The following CARNMT1 variants were observed in gnomAD, a reference collection of about 807,000 sequenced individuals.
CARNMT1 encodes the protein protein-L-histidine N-pros-methyltransferase CARNMT1.
Under a neutral mutation model 49.6 loss-of-function variants are expected in CARNMT1, and 28 were observed. The observed-to-expected ratio is 0.56, with a 90% CI of 0.42 to 0.77. CARNMT1 has a LOEUF of 0.77. CARNMT1 is among the 30% of genes least tolerant of loss of function. The pLI is 0.00. For missense variants in CARNMT1, 421 were observed against 512.6 expected (o/e 0.82, Z 1.73); for synonymous variants, 178 against 175.0 (o/e 1.02, Z -0.13).
At chr9:75,016,597 G>C (rs1833861311) in intron 2 of CARNMT1, 166 bp from the exon 3 acceptor site, 1 of 606,374 alleles carries the variant, frequency 1.6e-6, no homozygotes, top group Non-Finnish European at 2.9e-6. Flanking sequence ...AATGAAAAGA[G>C]TTTGGTGGTC....
At chr9:74,993,588 A>G (rs1276764586) in intron 6 of CARNMT1, among the ~76,000 whole-genome samples, 4 of 152,194 alleles carry the variant, frequency 2.6e-5, no homozygotes, top group Non-Finnish European at 1.5e-5. Context: ...TAATCCAGGC[A>G]AGAAACCATG....
chr9:75,007,581 T>C (rs1833548223), intron 3 of CARNMT1, among the ~76,000 whole-genome samples: 3 of 151,530 alleles, frequency 2.0e-5, no homozygotes. Context: ...ATACAAAAAT[T>C]AGCCAGGTGT....
intron 2 of CARNMT1, 129 bp downstream of exon 2, chr9:75,017,124 A>G: frequency 1.5e-6 from 1 of 674,042 alleles, no homozygotes; most frequent in Non-Finnish European, 2.5e-6. Flanking sequence ...CTGAACATTT[A>G]AGTTAAAACT....
intron 1 of CARNMT1, among the ~76,000 whole-genome samples, chr9:75,021,815 G>A (rs1461451091): frequency 2.6e-5 from 4 of 152,060 alleles, no homozygotes; most frequent in East Asian, 3.8e-4. Context: ...GTGCATGCCT[G>A]TAGTCTCACC....
In CARNMT1 at chr9:75,028,063, C is replaced by A; in HGVS notation, c.179G>T (p.Arg60Met). The A allele has an allele frequency of 6.3e-7, 1 of 1,580,038 alleles. No homozygotes were observed. Among genetic ancestry groups the A allele is most frequent in the Non-Finnish European group, 8.6e-7 (1 of 1,165,546 alleles). ...CTTCCAGAAGTGCTCACGCTCAAGC[C>A]TCTCCTCCTCCTCCTCGGTGCTGCG... ...ATRSTEEEEE[R>M]LEREHFWKII... Residue 60 changes from arginine to methionine, a missense_variant, in exon 1 of 8, where the codon AGG becomes ATG. By Grantham distance (91) the Arg-to-Met change is moderately conservative. Transcript: ENST00000376834.
chr9:74,997,955 G>A (rs762137893), intron 5 of CARNMT1, among the ~76,000 whole-genome samples: 24 of 151,718 alleles, frequency 1.6e-4, no homozygotes, highest in Non-Finnish European at 2.5e-4. Context: ...CTGAACCCTC[G>A]GTATTCTATT....
rs1293347813 is a variant in CARNMT1 at position 75,028,077 on chromosome 9, C to T, written c.165G>A (p.Glu55=). The change falls in exon 1 of 8, where the codon GAG becomes GAA. Residue 55 remains glutamate, a synonymous_variant. Transcript: ENST00000376834. ...CACGCTCAAGCCTCTCCTCCTCCTCCTCGGTGCTGCGCGTGGCCGCCGCCG... is the reference window on the plus strand; with the variant it reads ...CACGCTCAAGCCTCTCCTCCTCCTCTTCGGTGCTGCGCGTGGCCGCCGCCG... ...AAAAAATRST[E]EEEERLEREH... 1.9e-6 allele frequency: 3 copies of T among 1,570,548 alleles called. No individual in the cohort carries two copies. The highest frequency in any genetic ancestry group is 2.6e-6 in the Non-Finnish European group (3 of 1,160,734).
At chr9:74,998,867 G>T (rs1749073459) in intron 4 of CARNMT1, 91 bp from the exon 5 acceptor site, 4 of 674,288 alleles carry the variant, frequency 5.9e-6, no homozygotes, top group Non-Finnish European at 9.1e-6. Flanking sequence ...TTTAATTGAA[G>T]ATTTGCATAT....
Position 75,001,561 on chromosome 9 carries a change from T to C in CARNMT1, c.591-1691A>G, listed in dbSNP as rs189011365. Among the ~76,000 whole-genome samples, 67 of 152,292 alleles carry C rather than the reference T, an allele frequency of 4.4e-4. 1 individual carries two copies. The highest frequency in any genetic ancestry group is 6.8e-3 in the Middle Eastern group (2 of 294). The stretch of plus-strand genomic sequence containing the variant: ...TAATATAGATGTAAATTACTGGCAT[T>C]ATGACAAAGAGGAAGTGGACATGTA... On this transcript the variant is annotated intron_variant, in intron 3 of 7. Coordinates refer to ENST00000376834, the MANE Select transcript of CARNMT1 (RefSeq NM_152420.3).
At chr9:75,006,331 C>T (rs911597436) in intron 3 of CARNMT1, among the ~76,000 whole-genome samples, 13 of 152,128 alleles carry the variant, frequency 8.5e-5, no homozygotes, top group Admixed American at 3.3e-4. Context: ...GGATTACAGG[C>T]ATGAGCCACC....
chr9:75,006,866 T>C (rs1455021522), intron 3 of CARNMT1, among the ~76,000 whole-genome samples: 1 of 152,222 alleles, frequency 6.6e-6, no homozygotes, highest in Non-Finnish European at 1.5e-5. Flanking sequence ...CAGTGTGTGC[T>C]AGTTCACTAA....
chr9:75,027,919 C>A (rs1215175951), intron 1 of CARNMT1, 93 bp downstream of exon 1: 1 of 1,348,368 alleles, frequency 7.4e-7, no homozygotes, highest in African/African-American at 1.6e-5. Context: ...GGAGGCGTGG[C>A]GGCGGGACGG....
chr9:74,995,249 C>T (rs1046124691), intron 6 of CARNMT1, among the ~76,000 whole-genome samples: 2 of 152,100 alleles, frequency 1.3e-5, no homozygotes, highest in Non-Finnish European at 2.9e-5. Flanking sequence ...GTCTTTGCCA[C>T]ATGTAAGCTA....
At chr9:75,022,124 T>C (rs1240726162) in intron 1 of CARNMT1, among the ~76,000 whole-genome samples, 1 of 151,218 alleles carries the variant, frequency 6.6e-6, no homozygotes, top group Non-Finnish European at 1.5e-5. Context: ...GTTTTTGTGA[T>C]GAACATTTTG....
chr9:75,001,972 T>G (rs1048514390), intron 3 of CARNMT1, among the ~76,000 whole-genome samples: 18 of 152,194 alleles, frequency 1.2e-4, no homozygotes, highest in African/African-American at 3.9e-4. Context: ...AAATGGTGCC[T>G]ACTTGAGATT....
intron 3 of CARNMT1, among the ~76,000 whole-genome samples, chr9:75,001,459 A>C (rs758073572): frequency 5.5e-4 from 84 of 152,202 alleles, no homozygotes; most frequent in Non-Finnish European, 4.7e-4. Flanking sequence ...TTGTATTAAA[A>C]CTGCTATTGA....
chr9:74,991,762 A>G (rs554528972), intron 6 of CARNMT1: 1 of 152,216 alleles, frequency 6.6e-6, no homozygotes, highest in African/African-American at 2.4e-5. Flanking sequence ...CGTTTTCCAG[A>G]GTTATTCGGG....
chr9:75,003,611 G>C (rs1399208913), intron 3 of CARNMT1, among the ~76,000 whole-genome samples: 3 of 152,188 alleles, frequency 2.0e-5, no homozygotes, highest in Middle Eastern at 3.2e-3. Flanking sequence ...AGTACACAGA[G>C]CTTCCTTAAC....
chr9:74,993,857 A>G (rs1279413390), intron 6 of CARNMT1, among the ~76,000 whole-genome samples: 1 of 152,208 alleles, frequency 6.6e-6, no homozygotes. Context: ...AAGGATATTC[A>G]AGAGCGATTA....
Sources: gnomAD v4.1 joint callset for allele counts (sites outside exome capture counted in the v4.1 genomes callset) on GRCh38, gnomAD v4.1.1 for gene constraint, MANE v1.5 for transcripts, NCBI Gene and HGNC (gene_info 2026-07-23, HGNC 2026-07-21) for gene names.